DEFB131A: variants seen among roughly 807,000 people sequenced by gnomAD.
DEFB131A encodes the protein beta-defensin 131A.
A neutral mutation model predicts 2.4 loss-of-function variants in DEFB131A; 5 were observed. The observed-to-expected ratio is 2.12, with a 90% CI of 1.11 to 4.47. DEFB131A has a LOEUF of 4.47. Ranked by LOEUF, DEFB131A falls within the 30% of genes most tolerant of loss-of-function variation. The pLI is 0.00. For synonymous variants in DEFB131A, 34 were observed against 25.7 expected (o/e 1.32, Z -0.97); for missense variants, 120 against 79.9 (o/e 1.50, Z -1.91).
At chr4:9,449,401 G>C (rs1183922161) in intron 1 of DEFB131A, among the ~76,000 whole-genome samples, 3 of 129,562 alleles carry the variant, frequency 2.3e-5, no homozygotes, top group Non-Finnish European at 4.9e-5. Context: ...CACTTACACA[G>C]TCCACTGGCC....
intron 1 of DEFB131A, among the ~76,000 whole-genome samples, chr4:9,447,998 G>A (rs1318063150): frequency 1.3e-5 from 2 of 152,112 alleles, no homozygotes; most frequent in African/African-American, 2.4e-5. Flanking sequence ...ATATCAGGAG[G>A]AGGGGAAAGA....
At chr4:9,445,380 A>G (rs1213297682) in intron 1 of DEFB131A, among the ~76,000 whole-genome samples, 1 of 152,134 alleles carries the variant, frequency 6.6e-6, no homozygotes, top group East Asian at 1.9e-4. Flanking sequence ...GAGAGTTAAG[A>G]TTCCACCTTA....
intron 1 of DEFB131A, among the ~76,000 whole-genome samples, chr4:9,446,711 G>T (rs564099577): frequency 6.6e-6 from 1 of 152,026 alleles, no homozygotes; most frequent in Admixed American, 6.5e-5. Context: ...TGTTCTTGCA[G>T]TAGGCATTTA....
chr4:9,445,174 A>T lies in DEFB131A; in HGVS notation c.58+583A>T, dbSNP rs532859271. Among the ~76,000 whole-genome samples the T allele has an allele frequency of 1.4e-4, 21 of 152,262 alleles. No homozygotes were observed. In the South Asian group the frequency reaches 4.3e-3, roughly 32 times the overall value. ...CACACAGAACACAGGAAATTTAAAGAATTGGAAAAAGGAAAAGTGAATGAT... is the reference window on the plus strand; with the variant it reads ...CACACAGAACACAGGAAATTTAAAGTATTGGAAAAAGGAAAAGTGAATGAT... On this transcript the variant is annotated intron_variant, in intron 1 of 1. Transcript: ENST00000334879.
chr4:9,444,991 G>T (rs1296212527), intron 1 of DEFB131A, among the ~76,000 whole-genome samples: 1 of 152,016 alleles, frequency 6.6e-6, no homozygotes, highest in African/African-American at 2.4e-5. Flanking sequence ...GCTTAGGCAG[G>T]ATCGCTCGAG....
intron 1 of DEFB131A, among the ~76,000 whole-genome samples, chr4:9,447,355 T>A (rs1318472836): frequency 6.6e-6 from 1 of 152,176 alleles, no homozygotes; most frequent in Non-Finnish European, 1.5e-5. Flanking sequence ...ACCTTCTTTG[T>A]CTCTTTTTAT....
chr4:9,450,284 T>C, intron 1 of DEFB131A, 76 bp from the exon 2 acceptor site: 1 of 1,329,802 alleles, frequency 7.5e-7, no homozygotes, highest in Non-Finnish European at 9.7e-7. Context: ...TTTTAATTTA[T>C]TATAAAACAT....
intron 1 of DEFB131A, among the ~76,000 whole-genome samples, chr4:9,448,463 C>T (rs1316869176): frequency 3.3e-5 from 5 of 152,016 alleles, no homozygotes; most frequent in African/African-American, 7.2e-5. Context: ...AATCTCGTGC[C>T]TCAGCCAGCC....
Position 9,444,599 on chromosome 4 carries a change from A to T in DEFB131A, c.58+8A>T, listed in dbSNP as rs745606344. 6.2e-7 allele frequency: 1 copy of T among 1,607,288 alleles called. No homozygotes were observed. Among genetic ancestry groups the T allele is most frequent in the East Asian group, 2.2e-5 (1 of 44,816 alleles). On this transcript the variant is annotated splice_region_variant and intron_variant, in intron 1 of 1. Coordinates refer to ENST00000334879, the MANE Select transcript of DEFB131A (RefSeq NM_001040448.3). ...TGTTCACAGTTCCTCCAGGTAAGAC[A>T]GAAACTTTTTTATTCCAAAGTTCTA...
chr4:9,449,441 G>A lies in DEFB131A; in HGVS notation c.59-919G>A, dbSNP rs559799241. Among the ~76,000 whole-genome samples the A allele has an allele frequency of 2.7e-5, 4 of 147,262 alleles. No individual in the cohort carries two copies. In the South Asian group the frequency reaches 8.8e-4, roughly 33 times the overall value. On this transcript the variant is annotated intron_variant, in intron 1 of 1. Transcript: ENST00000334879. Reference sequence around the variant, plus strand: ...ACAAACATGCGAAGAATATATAATGGGGAAAAGACGGTTTCTTCAATACTT... The same window carrying A: ...ACAAACATGCGAAGAATATATAATGAGGAAAAGACGGTTTCTTCAATACTT...
intron 1 of DEFB131A, among the ~76,000 whole-genome samples, chr4:9,448,883 G>A (rs941555950): frequency 4.6e-5 from 7 of 152,104 alleles, no homozygotes; most frequent in Admixed American, 2.0e-4. Flanking sequence ...CAAACAGTTG[G>A]GGGGTGGGAA....
chr4:9,446,841 AC>A (rs1440106683), intron 1 of DEFB131A, among the ~76,000 whole-genome samples: 1 of 151,990 alleles, frequency 6.6e-6, no homozygotes, highest in Non-Finnish European at 1.5e-5. Context: ...TTTTTCATTG[AC>A]TCAATGGTTG....
Position 9,450,610 on chromosome 4 carries a change from T to C in DEFB131A, c.*96T>C. 2 of 1,458,384 alleles carry C rather than the reference T, an allele frequency of 1.4e-6. No individual in the cohort carries two copies. Among genetic ancestry groups the C allele is most frequent in the Non-Finnish European group, 1.9e-6 (2 of 1,078,372 alleles). The allele number at this position is 1,458,384 out of a possible 1,614,324, so 90.3% of individuals were successfully genotyped here. A position where few individuals can be genotyped will look rare whatever the true frequency, so the allele number is the denominator to read the frequency against. ...TTAACATGATAGATGAAAATTATTATAATTGCATGTTTAGATGGTCAGGTG... is the reference window on the plus strand; with the variant it reads ...TTAACATGATAGATGAAAATTATTACAATTGCATGTTTAGATGGTCAGGTG... On this transcript the variant is annotated 3_prime_UTR_variant, in exon 2 of 2. Transcript: ENST00000334879.
intron 1 of DEFB131A, among the ~76,000 whole-genome samples, chr4:9,449,856 T>C (rs937886695): frequency 3.3e-5 from 5 of 152,144 alleles, no homozygotes; most frequent in African/African-American, 4.8e-5. Flanking sequence ...TTTTTTCTCA[T>C]TTCACCAAAA....
chr4:9,446,783 G>A (rs1049267598), intron 1 of DEFB131A, among the ~76,000 whole-genome samples: 17 of 151,984 alleles, frequency 1.1e-4, no homozygotes, highest in African/African-American at 4.1e-4. Flanking sequence ...GGTATGTTGT[G>A]TTTCCATTTG....
intron 1 of DEFB131A, among the ~76,000 whole-genome samples, chr4:9,447,178 G>A (rs1380515048): frequency 6.6e-6 from 1 of 152,184 alleles, no homozygotes; most frequent in African/African-American, 2.4e-5. Flanking sequence ...AATGCTGAAA[G>A]TGGGATATTG....
rs1430290329 is a variant in DEFB131A at position 9,444,545 on chromosome 4, G to C, written c.12G>C (p.Leu4Phe). Reference sequence around the variant, plus strand: ...TTACCTATTCAACCATGAGGGTCTTGTTTTTTGTCTTTGGAGTCCTTTCCT... The same window carrying C: ...TTACCTATTCAACCATGAGGGTCTTCTTTTTTGTCTTTGGAGTCCTTTCCT... MRV[L>F]FFVFGVLSLM... The change falls in exon 1 of 2, where the codon TTG (leucine) becomes TTC (phenylalanine). Residue 4 changes from leucine to phenylalanine, a missense_variant. Leu to Phe is a conservative substitution (Grantham distance 22). Coordinates refer to ENST00000334879, the MANE Select transcript of DEFB131A (RefSeq NM_001040448.3). The C allele has an allele frequency of 1.2e-6, 2 of 1,611,454 alleles. No individual in the cohort carries two copies. Among genetic ancestry groups the C allele is most frequent in the African/African-American group, 2.7e-5 (2 of 74,822 alleles).
At chr4:9,449,532 A>T (rs1717597693) in intron 1 of DEFB131A, among the ~76,000 whole-genome samples, 1 of 151,340 alleles carries the variant, frequency 6.6e-6, no homozygotes, top group Non-Finnish European at 1.5e-5. Flanking sequence ...TACACTACAC[A>T]CAAAAAGCAA....
intron 1 of DEFB131A, 55 bp from the exon 2 acceptor site, chr4:9,450,305 T>G: frequency 7.1e-7 from 1 of 1,406,214 alleles, no homozygotes; most frequent in Non-Finnish European, 9.3e-7. Context: ...TTCAGACATT[T>G]AACAATAAAA....
Sources: allele counts gnomAD v4.1 joint callset (sites outside exome capture counted in the v4.1 genomes callset), GRCh38; gene constraint gnomAD v4.1.1; transcripts MANE v1.5; gene names NCBI Gene and HGNC (gene_info 2026-07-23, HGNC 2026-07-21).